STX3: variants seen among roughly 807,000 people sequenced by gnomAD.
The protein encoded by STX3 is syntaxin-3.
Under a neutral mutation model 40.2 loss-of-function variants are expected in STX3, and 19 were observed. The observed-to-expected ratio is 0.47, with a 90% CI of 0.33 to 0.69. The LOEUF (loss-of-function observed/expected upper bound fraction) is 0.69, where lower values mean the gene tolerates loss of function less well. Ranked by LOEUF, STX3 falls within the 30% of genes least tolerant of loss-of-function variation. The probability of loss-of-function intolerance (pLI) is 0.02; values close to 1 mark genes in which losing one functional copy is unlikely to be tolerated. For synonymous variants in STX3, 122 were observed against 132.2 expected, an observed-to-expected ratio of 0.92 and a Z score of 0.53; for missense variants, 364 against 366.7, an observed-to-expected ratio of 0.99 and a Z score of 0.06.
intron 1 of STX3, among the ~76,000 whole-genome samples, chr11:59,757,855 T>A (rs482355): frequency 2.0e-5 from 3 of 152,102 alleles, no homozygotes; most frequent in Non-Finnish European, 4.4e-5. Flanking sequence ...TTAAGGTTTA[T>A]GTGGATTTTG....
rs1207583586 is a variant in STX3 at position 59,804,410 on chromosome 11, A to G, written c.*3586A>G. 1.3e-5 allele frequency: 2 copies of G among 152,180 alleles called. No individual in the cohort carries two copies. Among genetic ancestry groups the G allele is most frequent in the African/African-American group, 4.8e-5 (2 of 41,436 alleles). The allele number at this position is 152,180 out of a possible 1,614,324, so 9.4% of individuals were successfully genotyped here. On this transcript the variant is annotated 3_prime_UTR_variant, in exon 11 of 11. Coordinates refer to ENST00000337979, the MANE Select transcript of STX3 (RefSeq NM_004177.5). ...GCCTGCTGCTTACAGGTACTCAAATATCTGCTGACTTAATTACTTATAATT... is the reference window on the plus strand; with the variant it reads ...GCCTGCTGCTTACAGGTACTCAAATGTCTGCTGACTTAATTACTTATAATT...
chr11:59,759,283 T>G (rs915564199), intron 1 of STX3, among the ~76,000 whole-genome samples: 5 of 152,196 alleles, frequency 3.3e-5, no homozygotes, highest in African/African-American at 1.2e-4. Context: ...TAGATTGTCT[T>G]AATCACTCTC....
intron 2 of STX3, among the ~76,000 whole-genome samples, chr11:59,782,167 C>T (rs969153873): frequency 2.6e-5 from 4 of 152,112 alleles, no homozygotes; most frequent in Admixed American, 6.5e-5. Context: ...ATCCAGATCT[C>T]GAAAATAACT....
At chr11:59,761,144 A>G (rs1863011553) in intron 1 of STX3, among the ~76,000 whole-genome samples, 2 of 152,208 alleles carry the variant, frequency 1.3e-5, no homozygotes, top group Admixed American at 6.5e-5. Context: ...ACGGAGTTCC[A>G]AGGCTCCTAA....
intron 9 of STX3, 109 bp from the exon 10 acceptor site, chr11:59,797,174 T>A (rs1865570020): frequency 2.6e-6 from 2 of 754,860 alleles, no homozygotes; most frequent in Non-Finnish European, 4.6e-6. Context: ...TTACTCAGAC[T>A]GGTAAGATAT....
chr11:59,778,431 A>T (rs1033216366), intron 2 of STX3, among the ~76,000 whole-genome samples: 2 of 152,166 alleles, frequency 1.3e-5, no homozygotes, highest in African/African-American at 2.4e-5. Context: ...CAGGAAAGTG[A>T]GTACTCAGCA....
At chr11:59,773,400 A>G (rs1373753108) in intron 2 of STX3, 106 bp downstream of exon 2, 2 of 1,113,054 alleles carry the variant, frequency 1.8e-6, no homozygotes, top group Non-Finnish European at 2.6e-6. Context: ...GGAAGGTCAC[A>G]GTTTTTTGCT....
intron 9 of STX3, 128 bp downstream of exon 9, chr11:59,795,610 G>A (rs1397151681): frequency 6.5e-7 from 1 of 1,541,258 alleles, no homozygotes; most frequent in African/African-American, 1.4e-5. Flanking sequence ...AGGGATCCAT[G>A]ATTGACCGTA....
At chr11:59,768,521 T>C (rs1313458990) in intron 1 of STX3, among the ~76,000 whole-genome samples, 3 of 151,936 alleles carry the variant, frequency 2.0e-5, no homozygotes, top group Non-Finnish European at 4.4e-5. Flanking sequence ...TTGATGGTGG[T>C]TGGGAATGAG....
Position 59,795,395 on chromosome 11 carries a change from G to C in STX3, c.699G>C (p.Glu233Asp). 1 of 1,613,414 alleles carries C rather than the reference G, an allele frequency of 6.2e-7. No homozygotes were observed. The change falls in exon 9 of 11, where the codon GAG (glutamate) becomes GAC (aspartate). Residue 233 changes from glutamate to aspartate, a missense_variant. Glu to Asp is a conservative substitution (Grantham distance 45, BLOSUM62 2). Coordinates refer to ENST00000337979, the MANE Select transcript of STX3 (RefSeq NM_004177.5). The stretch of plus-strand genomic sequence containing the variant: ...AGGGTGAGATGTTAGATAACATAGA[G>C]TTGAATGTCATGCACACAGTGGACC... ...ENQGEMLDNI[E>D]LNVMHTVDHV...
chr11:59,790,646 T>G, intron 5 of STX3, 60 bp downstream of exon 5: 1 of 1,306,732 alleles, frequency 7.7e-7, no homozygotes, highest in Non-Finnish European at 1.1e-6. Flanking sequence ...TTCCCTTAAC[T>G]GTGGAGGGAT....
intron 1 of STX3, among the ~76,000 whole-genome samples, chr11:59,757,905 A>C (rs941004422): frequency 6.6e-5 from 10 of 151,786 alleles, no homozygotes; most frequent in African/African-American, 2.2e-4. Flanking sequence ...CCCCAGCCAG[A>C]CTCCCAGGGA....
At chr11:59,788,226 A>G (rs1864898102) in intron 3 of STX3, among the ~76,000 whole-genome samples, 1 of 152,196 alleles carries the variant, frequency 6.6e-6, no homozygotes, top group South Asian at 2.1e-4. Context: ...CACCTTGACC[A>G]GAACTCATAC....
At chr11:59,777,651 C>T (rs1343817007) in intron 2 of STX3, among the ~76,000 whole-genome samples, 2 of 152,080 alleles carry the variant, frequency 1.3e-5, no homozygotes, top group African/African-American at 2.4e-5. Flanking sequence ...GGGATGGTGC[C>T]GTTTAAAGGT....
intron 5 of STX3, 52 bp downstream of exon 5, chr11:59,790,638 C>A: frequency 7.2e-7 from 1 of 1,397,536 alleles, no homozygotes; most frequent in Non-Finnish European, 1.0e-6. Flanking sequence ...TTATTGTTTT[C>A]CCTTAACTGT....
intron 9 of STX3, among the ~76,000 whole-genome samples, chr11:59,796,867 T>C (rs907240304): frequency 6.6e-6 from 1 of 152,156 alleles, no homozygotes; most frequent in African/African-American, 2.4e-5. Flanking sequence ...TCCCAGAACT[T>C]TGGGAGGCCG....
In STX3 at chr11:59,803,022, C is replaced by T. The variant is rs1865951573; in HGVS notation, c.*2198C>T. ...TGACCATACCAAACATCCTTTTAAT[C>T]TAACTTGAATGTCTCACCAAAAATA... On this transcript the variant is annotated 3_prime_UTR_variant, in exon 11 of 11. Transcript: ENST00000337979. The T allele has an allele frequency of 2.1e-6, 2 of 958,474 alleles. No individual in the cohort carries two copies. The highest frequency in any genetic ancestry group is 4.8e-5 in the South Asian group (1 of 20,626). 59.4% of individuals were successfully genotyped at this position (958,474 alleles called of 1,614,324 possible). A position where few individuals can be genotyped will look rare whatever the true frequency, so the allele number is the denominator to read the frequency against.
chr11:59,765,299 A>T (rs1863227455), intron 1 of STX3, among the ~76,000 whole-genome samples: 1 of 152,166 alleles, frequency 6.6e-6, no homozygotes, highest in Non-Finnish European at 1.5e-5. Context: ...GAGAGCATGG[A>T]GTGCCTGTTG....
At chr11:59,774,723 C>T (rs916282343) in intron 2 of STX3, among the ~76,000 whole-genome samples, 4 of 151,816 alleles carry the variant, frequency 2.6e-5, no homozygotes, top group African/African-American at 4.8e-5. Flanking sequence ...CCCAGCTACC[C>T]GAGAGGCTGA....
Sources: gnomAD v4.1 joint callset for allele counts (sites outside exome capture counted in the v4.1 genomes callset) on GRCh38, gnomAD v4.1.1 for gene constraint, MANE v1.5 for transcripts, NCBI Gene and HGNC (gene_info 2026-07-23, HGNC 2026-07-21) for gene names.